The following PHLPP1 variants were observed in gnomAD, a reference collection of about 807,000 sequenced individuals.
PHLPP1 encodes the protein PH domain leucine-rich repeat-containing protein phosphatase 1.
PHLPP1 carries 42 observed loss-of-function variants against 117.2 expected under a neutral mutation model. The observed-to-expected ratio is 0.36, with a 90% CI of 0.28 to 0.46. The LOEUF is 0.46. Among genes scored for constraint, PHLPP1 ranks in the 20% least tolerant of loss-of-function variants. PHLPP1 has a pLI of 1.00. For synonymous variants in PHLPP1, 1,042 were observed against 970.7 expected (o/e 1.07, Z -1.37); for missense variants, 2,084 against 2,241.9 (o/e 0.93, Z 1.42).
Position 62,979,270 on chromosome 18 carries a change from A to G in PHLPP1, c.4993A>G (p.Ile1665Val), listed in dbSNP as rs1468294455. 6.4e-7 allele frequency: 1 copy of G among 1,571,142 alleles called. No homozygotes were observed. Among genetic ancestry groups the G allele is most frequent in the Non-Finnish European group, 8.6e-7 (1 of 1,157,658 alleles). ...PAQPDPDDQFIIPPELEEEVK... is the reference protein window; with the variant it reads ...PAQPDPDDQFVIPPELEEEVK... The stretch of plus-strand genomic sequence containing the variant: ...TCAGCCGGATCCTGATGATCAGTTT[A>G]TCATACCCCCGGAGCTGGAAGAGGA... The change falls in exon 17 of 17, where the codon ATC becomes GTC. Residue 1665 changes from isoleucine (I) to valine (V), a missense_variant. Ile to Val is a conservative substitution (Grantham distance 29, BLOSUM62 3). This residue lies in a region of PHLPP1 where 1,365 missense variants were observed against 1,605.9 expected (regional missense o/e 0.85). Transcript: ENST00000262719.
At chr18:62,791,949 A>G (rs1487069210) in intron 1 of PHLPP1, among the ~76,000 whole-genome samples, 1 of 148,404 alleles carries the variant, frequency 6.7e-6, no homozygotes, top group Admixed American at 6.7e-5. Flanking sequence ...TAATGAGTAC[A>G]CTTTTTTTTT....
intron 10 of PHLPP1, among the ~76,000 whole-genome samples, chr18:62,940,509 C>T (rs971709034): frequency 5.9e-5 from 9 of 151,584 alleles, no homozygotes; most frequent in Middle Eastern, 3.2e-3. Context: ...GGACTGCAGG[C>T]GCCCGCCACC....
chr18:62,968,173 G>C (rs1223008013), intron 14 of PHLPP1, among the ~76,000 whole-genome samples: 1 of 152,124 alleles, frequency 6.6e-6, no homozygotes, highest in East Asian at 1.9e-4. Context: ...CTGTTAATTT[G>C]TTGAGGATGT....
chr18:62,895,864 GTCTT>G lies in PHLPP1; in HGVS notation c.2304_2307del (p.Phe769MetfsTer13), dbSNP rs1442915852. 2 of 1,613,558 alleles carry G rather than the reference GTCTT, an allele frequency of 1.2e-6. No individual in the cohort carries two copies. The highest frequency in any genetic ancestry group is 1.7e-5 in the Admixed American group (1 of 60,016). On this transcript the variant is annotated frameshift_variant, in exon 6 of 17. Coordinates refer to ENST00000262719, the MANE Select transcript of PHLPP1 (RefSeq NM_194449.4). LOFTEE classifies it high-confidence loss of function. ...AACATGAAGCAGCTTAGTTATCTGG[GTCTT>G]TCTTTCAATGAATTTACTGACATTC...
chr18:62,860,203 A>C (rs761100672), intron 3 of PHLPP1, among the ~76,000 whole-genome samples: 2 of 152,184 alleles, frequency 1.3e-5, no homozygotes, highest in Non-Finnish European at 2.9e-5. Context: ...TCACTAGGTG[A>C]TAGGACTTTT....
intron 11 of PHLPP1, among the ~76,000 whole-genome samples, chr18:62,942,758 G>A (rs1910166187): frequency 6.6e-6 from 1 of 151,966 alleles, no homozygotes; most frequent in African/African-American, 2.4e-5. Flanking sequence ...TTTCTGCTTG[G>A]TAACTGCAAC....
At chr18:62,882,424 G>T (rs923039545) in intron 4 of PHLPP1, among the ~76,000 whole-genome samples, 9 of 151,902 alleles carry the variant, frequency 5.9e-5, no homozygotes, top group Non-Finnish European at 1.3e-4. Context: ...GCCCGCCACC[G>T]CGCCTGGATA....
intron 14 of PHLPP1, among the ~76,000 whole-genome samples, chr18:62,967,054 C>A (rs572566161): frequency 6.6e-6 from 1 of 152,138 alleles, no homozygotes; most frequent in African/African-American, 2.4e-5. Context: ...GTCAGTAGTT[C>A]GTTTCTTTTC....
chr18:62,827,766 GT>G (rs1396853907), intron 1 of PHLPP1, among the ~76,000 whole-genome samples: 12 of 152,206 alleles, frequency 7.9e-5, no homozygotes, highest in African/African-American at 2.9e-4. Flanking sequence ...ATCTACTGAT[GT>G]ATCCATACTC....
Position 62,958,753 on chromosome 18 carries a change from T to C in PHLPP1, c.3449T>C (p.Leu1150Pro), listed in dbSNP as rs1206299151. The change falls in exon 13 of 17, where the codon CTA becomes CCA. Residue 1150 changes from leucine to proline, a missense_variant. Physicochemically the swap from Leu to Pro is moderately conservative, Grantham distance 98 (BLOSUM62 -3). Around this residue, in one of 2 missense-constraint regions of PHLPP1, gnomAD observed 1,365 missense variants for 1,605.9 expected, o/e 0.85. Coordinates refer to ENST00000262719, the MANE Select transcript of PHLPP1 (RefSeq NM_194449.4). ...GTCCTTGATCACAAAACCCTGGAAC[T>C]ACTGAAGTAAGTATTCTGTAAAGCA... ...RLVLDHKTLE[L>P]LNNIRCFKID... is the part of the protein sequence containing the mutation. 1 of 1,613,970 alleles carries C rather than the reference T, an allele frequency of 6.2e-7. No individual in the cohort carries two copies. The highest frequency in any genetic ancestry group is 8.5e-7 in the Non-Finnish European group (1 of 1,179,856).
At chr18:62,793,590 G>T (rs952442412) in intron 1 of PHLPP1, among the ~76,000 whole-genome samples, 1 of 152,150 alleles carries the variant, frequency 6.6e-6, no homozygotes, top group African/African-American at 2.4e-5. Context: ...CATTAATTTA[G>T]TTAACAGTTA....
chr18:62,930,221 A>G (rs1249196177), intron 10 of PHLPP1, among the ~76,000 whole-genome samples: 2 of 152,188 alleles, frequency 1.3e-5, no homozygotes, highest in Non-Finnish European at 2.9e-5. Flanking sequence ...CATAATATAT[A>G]TCCTATAGAG....
intron 10 of PHLPP1, among the ~76,000 whole-genome samples, chr18:62,923,303 A>G (rs1909532171): frequency 6.6e-6 from 1 of 152,162 alleles, no homozygotes; most frequent in Non-Finnish European, 1.5e-5. Flanking sequence ...AGAAGGGGCA[A>G]ATATCTTTGT....
Position 62,979,639 on chromosome 18 carries a change from T to C in PHLPP1, c.*208T>C. On this transcript the variant is annotated 3_prime_UTR_variant, in exon 17 of 17. Transcript: ENST00000262719. ...TTCTTCTAGTGATGCTTTACCAATA[T>C]GATTTACATTTGTTAACTTCTCCCC... The C allele has an allele frequency of 3.4e-6, 2 of 591,134 alleles. No homozygotes were observed. The highest frequency in any genetic ancestry group is 5.9e-6 in the Non-Finnish European group (2 of 336,834). The allele number at this position is 591,134 out of a possible 1,614,324, so 36.6% of individuals were successfully genotyped here.
intron 1 of PHLPP1, among the ~76,000 whole-genome samples, chr18:62,800,112 C>T (rs570410476): frequency 2.6e-5 from 4 of 152,248 alleles, no homozygotes; most frequent in Admixed American, 6.5e-5. Context: ...GACCAGGGCA[C>T]GGCCAGCTGG....
chr18:62,717,391 C>T (rs1910790826), intron 1 of PHLPP1, 132 bp downstream of exon 1: 2 of 1,223,458 alleles, frequency 1.6e-6, no homozygotes, highest in Admixed American at 2.9e-5. Flanking sequence ...TTAAACTTTA[C>T]AGCTTTTTCA....
chr18:62,898,915 C>CAG (rs1916643812), intron 6 of PHLPP1, among the ~76,000 whole-genome samples: 1 of 151,978 alleles, frequency 6.6e-6, no homozygotes, highest in South Asian at 2.1e-4. Flanking sequence ...TTTCCTGCCT[C>CAG]AGCCTCCCAA....
At chr18:62,760,515 G>A (rs993131078) in intron 1 of PHLPP1, among the ~76,000 whole-genome samples, 2 of 152,212 alleles carry the variant, frequency 1.3e-5, no homozygotes, top group African/African-American at 4.8e-5. Context: ...GTAGAATTGG[G>A]TTTGAATCCT....
chr18:62,951,897 CT>C (rs1910470612), intron 12 of PHLPP1, among the ~76,000 whole-genome samples: 2 of 149,132 alleles, frequency 1.3e-5, no homozygotes, highest in Non-Finnish European at 3.0e-5. Context: ...TCACTGCAAG[CT>C]CTGCCTCCCG....
Sources: allele counts gnomAD v4.1 joint callset (sites outside exome capture counted in the v4.1 genomes callset), GRCh38; gene constraint gnomAD v4.1.1; regional missense constraint gnomAD v4.1.1; transcripts MANE v1.5; gene names NCBI Gene and HGNC (gene_info 2026-07-23, HGNC 2026-07-21).